The following TNKS variants were observed in gnomAD, a reference collection of about 807,000 sequenced individuals.
TNKS encodes poly [ADP-ribose] polymerase tankyrase-1.
In TNKS, 72 loss-of-function variants were observed where a neutral mutation model predicts 135.8. That is an observed-to-expected ratio of 0.53 (90% CI 0.44 to 0.64). TNKS has a LOEUF of 0.64. Ranked by LOEUF, TNKS falls within the 30% of genes least tolerant of loss-of-function variation. The pLI is 0.00. For missense variants in TNKS, 1,769 were observed against 1,674.0 expected, an observed-to-expected ratio of 1.06 and a Z score of -0.99; for synonymous variants, 849 against 649.3, an observed-to-expected ratio of 1.31 and a Z score of -4.68.
At chr8:9,570,011 A>C (rs1797697521) in intron 1 of TNKS, among the ~76,000 whole-genome samples, 1 of 151,918 alleles carries the variant, frequency 6.6e-6, no homozygotes, top group Non-Finnish European at 1.5e-5. Context: ...CTGTCCACTT[A>C]ATTTTGTTAC....
chr8:9,748,220 C>G lies in TNKS; in HGVS notation c.2832+8C>G, dbSNP rs1308980954. The G allele has an allele frequency of 6.6e-7, 1 of 1,516,220 alleles. No homozygotes were observed. Among genetic ancestry groups the G allele is most frequent in the Middle Eastern group, 1.8e-4 (1 of 5,622 alleles). The allele number at this position is 1,516,220 out of a possible 1,614,324, so 93.9% of individuals were successfully genotyped here. On this transcript the variant is annotated splice_region_variant and intron_variant, in intron 18 of 26. Transcript: ENST00000310430. ...CCTCTGGATCTGGCAACAGTAAGTC[C>G]TCATTTCAGATACTGATTATTGTTC... is the stretch of plus-strand genomic sequence containing the variant.
At chr8:9,734,718 A>G in intron 15 of TNKS, 147 bp from the exon 16 acceptor site, 4 of 642,266 alleles carry the variant, frequency 6.2e-6, no homozygotes, top group Non-Finnish European at 8.0e-6. Flanking sequence ...ATTACTAAGT[A>G]GGAATTTTGC....
intron 17 of TNKS, chr8:9,741,885 C>G (rs922052664): frequency 4.9e-5 from 12 of 247,380 alleles, no homozygotes; most frequent in African/African-American, 2.6e-4. Flanking sequence ...ACTTTATTCA[C>G]CATCACCCAT....
chr8:9,774,567 A>C (rs527575359), intron 26 of TNKS, among the ~76,000 whole-genome samples: 1 of 152,350 alleles, frequency 6.6e-6, no homozygotes, highest in Non-Finnish European at 1.5e-5. Context: ...TTTTTGGTCC[A>C]TCTTAGGCCC....
intron 25 of TNKS, 57 bp downstream of exon 25, chr8:9,766,482 T>TA: frequency 2.4e-4 from 288 of 1,214,202 alleles, no homozygotes; most frequent in Non-Finnish European, 2.9e-4. Context: ...AACCAAATTG[T>TA]CTTTTTTTTT....
chr8:9,726,959 T>TAC (rs984276527), intron 13 of TNKS, among the ~76,000 whole-genome samples: 1 of 151,982 alleles, frequency 6.6e-6, no homozygotes, highest in Admixed American at 6.6e-5. Flanking sequence ...GATATATACA[T>TAC]ACACACACAC....
chr8:9,726,105 T>G (rs1203410936), intron 12 of TNKS, among the ~76,000 whole-genome samples: 1 of 152,132 alleles, frequency 6.6e-6, no homozygotes, highest in Non-Finnish European at 1.5e-5. Context: ...AAAAGAAAAA[T>G]CAAGGCTGGG....
Position 9,764,819 on chromosome 8 carries a change from C to A in TNKS, c.3447+29C>A, listed in dbSNP as rs371966109. The A allele has an allele frequency of 6.5e-6, 10 of 1,549,948 alleles. No individual in the cohort carries two copies. The African/African-American group carries it at 6.9e-5, about 11-fold the overall frequency. On this transcript the variant is annotated intron_variant, in intron 23 of 26. Coordinates refer to ENST00000310430, the MANE Select transcript of TNKS (RefSeq NM_003747.3). ...AGTTTTTAAAGTTTCATGGTGAAAA[C>A]TGGATTGCAAGGCTTGCCTAAAAAC...
At position 9,556,100 on chromosome 8, in the gene TNKS, C is replaced by A; in HGVS notation, c.161C>A (p.Ala54Asp). The change falls in exon 1 of 27, where the codon GCC (alanine) becomes GAC (aspartate). Residue 54 changes from alanine to aspartate, a missense_variant. Coordinates refer to ENST00000310430, the MANE Select transcript of TNKS (RefSeq NM_003747.3). ...GCCTCTCCCACGGCCAGCGGCCTGG[C>A]CCCCTTCGCCTCCCCGCGGCACGGC... ...TPASPTASGL[A>D]PFASPRHGLA... 1.2e-6 allele frequency: 2 copies of A among 1,600,522 alleles called. No individual in the cohort carries two copies. Among genetic ancestry groups the A allele is most frequent in the Non-Finnish European group, 1.7e-6 (2 of 1,174,268 alleles).
chr8:9,746,273 A>G (rs547635244), intron 17 of TNKS, among the ~76,000 whole-genome samples: 1 of 152,336 alleles, frequency 6.6e-6, no homozygotes, highest in South Asian at 2.1e-4. Context: ...ATTTATAAAA[A>G]TATACAAGTT....
intron 2 of TNKS, among the ~76,000 whole-genome samples, chr8:9,586,030 C>T (rs962626411): frequency 1.2e-4 from 18 of 152,004 alleles, no homozygotes; most frequent in African/African-American, 3.9e-4. Flanking sequence ...AGATAATATA[C>T]GTGAAACACC....
At chr8:9,717,102 T>TATATATATATATATATATATATATATA (rs60792807) in intron 11 of TNKS, among the ~76,000 whole-genome samples, 128 of 122,774 alleles carry the variant, frequency 1.0e-3, no homozygotes, top group Non-Finnish European at 1.4e-3. Flanking sequence ...TATATATATA[T>TATATATATATATATATATATATATATA]TTTCAGGGAA....
intron 12 of TNKS, among the ~76,000 whole-genome samples, chr8:9,722,244 C>A (rs914078894): frequency 6.6e-6 from 1 of 152,030 alleles, no homozygotes; most frequent in Non-Finnish European, 1.5e-5. Flanking sequence ...AGTTGAGAAT[C>A]ACTGCTATAT....
intron 6 of TNKS, 116 bp from the exon 7 acceptor site, chr8:9,706,071 C>CTT: frequency 1.7e-6 from 1 of 575,552 alleles, no homozygotes; most frequent in East Asian, 3.8e-5. Flanking sequence ...TTATTAAATA[C>CTT]TTTTAAATAT....
chr8:9,680,713 AC>A lies in TNKS; in HGVS notation c.1032-10del. The A allele has an allele frequency of 6.3e-7, 1 of 1,589,660 alleles. No individual in the cohort carries two copies. Among genetic ancestry groups the A allele is most frequent in the South Asian group, 1.1e-5 (1 of 88,278 alleles). ...GTAATTTTAGAGGAATTGACTTACT[AC>A]CTTTTTATAGGAGTGGTAATGAAGA... On this transcript the variant is annotated splice_polypyrimidine_tract_variant and intron_variant, in intron 4 of 26. Coordinates refer to ENST00000310430, the MANE Select transcript of TNKS (RefSeq NM_003747.3).
intron 8 of TNKS, 42 bp downstream of exon 8, chr8:9,707,039 A>G (rs1376064387): frequency 1.3e-6 from 2 of 1,484,304 alleles, no homozygotes; most frequent in Non-Finnish European, 1.8e-6. Flanking sequence ...ATAAATTGGA[A>G]TATTTAATTT....
chr8:9,568,362 A>G (rs182929799), intron 1 of TNKS, among the ~76,000 whole-genome samples: 138 of 152,344 alleles, frequency 9.1e-4, no homozygotes, highest in Admixed American at 1.7e-3. Flanking sequence ...AAGAAAGCTT[A>G]TAGTAAAAAT....
chr8:9,741,816 G>C (rs572526555), intron 17 of TNKS: 1 of 446,338 alleles, frequency 2.2e-6, no homozygotes, highest in East Asian at 5.9e-5. Flanking sequence ...GCTGTCACCT[G>C]AAGAGAGGTG....
At chr8:9,628,598 G>A (rs929303724) in intron 3 of TNKS, among the ~76,000 whole-genome samples, 2 of 151,842 alleles carry the variant, frequency 1.3e-5, no homozygotes, top group African/African-American at 4.8e-5. Flanking sequence ...TATGAGAAAG[G>A]CCCAGGTTAA....
Sources: allele counts gnomAD v4.1 joint callset (sites outside exome capture counted in the v4.1 genomes callset), GRCh38; gene constraint gnomAD v4.1.1; transcripts MANE v1.5; gene names NCBI Gene and HGNC (gene_info 2026-07-23, HGNC 2026-07-21).